Variants in CSMD1 observed in about 807,000 individuals in gnomAD.
CSMD1 encodes CUB and sushi domain-containing protein 1.
CSMD1 carries 213 observed loss-of-function variants against 417.5 expected under a neutral mutation model. The observed-to-expected ratio is 0.51, with a 90% CI of 0.46 to 0.57. CSMD1 has a LOEUF of 0.57. Ranked by LOEUF, CSMD1 falls within the 20% of genes least tolerant of loss-of-function variation. The pLI is 0.00. For synonymous variants in CSMD1, 2,862 were observed against 1,736.8 expected (o/e 1.65, Z -16.11); for missense variants, 6,923 against 4,529.7 (o/e 1.53, Z -15.17).
chr8:3,180,625 A>T (rs1382671988), intron 37 of CSMD1, among the ~76,000 whole-genome samples: 1 of 151,884 alleles, frequency 6.6e-6, no homozygotes, highest in Non-Finnish European at 1.5e-5. Flanking sequence ...CTCATAATGT[A>T]TATTTCTTTT....
At chr8:3,351,795 A>G (rs981671824) in intron 21 of CSMD1, among the ~76,000 whole-genome samples, 3 of 149,718 alleles carry the variant, frequency 2.0e-5, no homozygotes, top group South Asian at 2.1e-4. Flanking sequence ...CATGTATAAT[A>G]TACATACAAT....
intron 3 of CSMD1, among the ~76,000 whole-genome samples, chr8:4,055,221 C>A (rs1798630547): frequency 6.6e-6 from 1 of 152,104 alleles, no homozygotes; most frequent in South Asian, 2.1e-4. Context: ...TTTTAAAAAC[C>A]ATTTTGAGAC....
intron 2 of CSMD1, among the ~76,000 whole-genome samples, chr8:4,531,350 G>C (rs1280694908): frequency 6.6e-6 from 1 of 152,142 alleles, no homozygotes; most frequent in Non-Finnish European, 1.5e-5. Flanking sequence ...CAAGAACAGA[G>C]TCTATAATTT....
intron 5 of CSMD1, among the ~76,000 whole-genome samples, chr8:3,804,879 G>A (rs1314369036): frequency 6.6e-6 from 1 of 152,120 alleles, no homozygotes; most frequent in Non-Finnish European, 1.5e-5. Flanking sequence ...TTATAAAAAA[G>A]TAGCATGGAT....
chr8:4,002,557 T>A (rs1024099625), intron 4 of CSMD1, among the ~76,000 whole-genome samples: 5 of 152,208 alleles, frequency 3.3e-5, no homozygotes, highest in African/African-American at 1.2e-4. Context: ...GAAAAATTAA[T>A]TACTTAATTT....
chr8:3,020,008 C>G (rs1809226141), intron 51 of CSMD1, among the ~76,000 whole-genome samples: 1 of 152,230 alleles, frequency 6.6e-6, no homozygotes, highest in Admixed American at 6.5e-5. Context: ...TGGCAAACAT[C>G]GAGTTCTTCC....
chr8:4,421,246 A>G (rs1194739290), intron 2 of CSMD1, among the ~76,000 whole-genome samples: 1 of 152,206 alleles, frequency 6.6e-6, no homozygotes, highest in African/African-American at 2.4e-5. Context: ...AAGAAAGGAA[A>G]AACAAAAAAC....
chr8:4,078,004 G>C (rs749342705), intron 3 of CSMD1, among the ~76,000 whole-genome samples: 1 of 151,962 alleles, frequency 6.6e-6, no homozygotes, highest in East Asian at 1.9e-4. Context: ...CTCTCAGTTG[G>C]AAAAAAATAG....
intron 1 of CSMD1, among the ~76,000 whole-genome samples, chr8:4,794,899 T>A (rs9792323): frequency 0.25 from 37,591 of 151,806 alleles, 5,016 homozygotes; most frequent in Non-Finnish European, 0.3. Flanking sequence ...TGGCAAGAAA[T>A]TAAATCAGGA....
chr8:2,988,815 A>G (rs1806144634), intron 54 of CSMD1, among the ~76,000 whole-genome samples: 1 of 152,206 alleles, frequency 6.6e-6, no homozygotes, highest in Non-Finnish European at 1.5e-5. Flanking sequence ...GCAGGGCTGG[A>G]TAGAGCTGCA....
chr8:3,135,922 T>A (rs1438844115), intron 41 of CSMD1, among the ~76,000 whole-genome samples: 1 of 152,154 alleles, frequency 6.6e-6, no homozygotes, highest in African/African-American at 2.4e-5. Flanking sequence ...GAAAAAGCTA[T>A]GAAAATCACA....
At chr8:3,553,135 AGAAAG>A (rs1798990910) in intron 10 of CSMD1, among the ~76,000 whole-genome samples, 1 of 151,862 alleles carries the variant, frequency 6.6e-6, no homozygotes, top group African/African-American at 2.4e-5. Flanking sequence ...AAAAAAAAAA[AGAAAG>A]GAAAGACCTA....
intron 3 of CSMD1, among the ~76,000 whole-genome samples, chr8:4,242,757 T>A (rs1237117447): frequency 6.6e-6 from 1 of 152,144 alleles, no homozygotes; most frequent in Non-Finnish European, 1.5e-5. Context: ...AATCTGAACA[T>A]CCCTGGATGG....
intron 5 of CSMD1, among the ~76,000 whole-genome samples, chr8:3,964,127 T>A (rs1812515738): frequency 6.6e-6 from 1 of 152,258 alleles, no homozygotes; most frequent in Non-Finnish European, 1.5e-5. Context: ...AAAAAAGTTT[T>A]GCGTAAAATT....
intron 3 of CSMD1, among the ~76,000 whole-genome samples, chr8:4,227,262 C>T (rs1471218012): frequency 6.6e-6 from 1 of 152,106 alleles, no homozygotes; most frequent in African/African-American, 2.4e-5. Flanking sequence ...CATGGACGAG[C>T]AAGATGGCGA....
intron 1 of CSMD1, among the ~76,000 whole-genome samples, chr8:4,980,447 G>T (rs553802590): frequency 1.3e-5 from 2 of 152,310 alleles, no homozygotes; most frequent in South Asian, 4.1e-4. Context: ...TGTCAGGCGA[G>T]GAGGCTTTCA....
At chr8:4,545,632 T>C (rs925327166) in intron 2 of CSMD1, among the ~76,000 whole-genome samples, 1 of 152,194 alleles carries the variant, frequency 6.6e-6, no homozygotes, top group African/African-American at 2.4e-5. Context: ...GGCTGGTTCG[T>C]GGCTAGGAGT....
chr8:3,617,102 A>C (rs1802178171), intron 7 of CSMD1, among the ~76,000 whole-genome samples: 1 of 152,172 alleles, frequency 6.6e-6, no homozygotes, highest in South Asian at 2.1e-4. Context: ...GGTCACAATT[A>C]ACAGCATGAT....
rs572900142 is a variant in CSMD1, at chr8:4,040,269, C to T, written c.416-8170G>A. 5.3e-5 allele frequency among the ~76,000 whole-genome samples: 8 copies of T among 152,302 alleles called. No homozygotes were observed. The South Asian group carries it at 1.7e-3, about 32-fold the overall frequency. ...TGCCTTATCATAATAACCGGAAATA[C>T]TTGCACAACACACACTATGTGCTAG... On this transcript the variant is annotated intron_variant, in intron 3 of 69. Transcript: ENST00000635120.
Sources: allele counts gnomAD v4.1 joint callset (sites outside exome capture counted in the v4.1 genomes callset), GRCh38; gene constraint gnomAD v4.1.1; transcripts MANE v1.5; gene names NCBI Gene and HGNC (gene_info 2026-07-23, HGNC 2026-07-21).